Variants in CDC37L1 observed in about 807,000 individuals in gnomAD.
CDC37L1 encodes the protein cell division cycle 37 like 1, HSP90 cochaperone.
In CDC37L1, 32 loss-of-function variants were observed where a neutral mutation model predicts 45.9. That is an observed-to-expected ratio of 0.70 (90% confidence interval 0.53 to 0.94). The LOEUF (loss-of-function observed/expected upper bound fraction) is 0.94. Ranked by LOEUF, CDC37L1 falls within the 40% of genes least tolerant of loss-of-function variation. CDC37L1 has a pLI of 0.00. For missense variants in CDC37L1, 434 were observed against 405.7 expected (o/e 1.07, Z -0.60); for synonymous variants, 150 against 133.0 (o/e 1.13, Z -0.88).
intron 3 of CDC37L1, among the ~76,000 whole-genome samples, chr9:4,696,153 G>A (rs1052753220): frequency 6.6e-6 from 1 of 152,094 alleles, no homozygotes; most frequent in Admixed American, 6.6e-5. Context: ...TTGTTGCTGT[G>A]TATTCTCAGT....
chr9:4,686,323 G>A (rs187778942), intron 2 of CDC37L1, among the ~76,000 whole-genome samples: 1 of 152,234 alleles, frequency 6.6e-6, no homozygotes, highest in East Asian at 1.9e-4. Flanking sequence ...CTTTAACAGT[G>A]AGTCATATCT....
intron 2 of CDC37L1, chr9:4,685,412 C>T: frequency 6.3e-6 from 2 of 319,946 alleles, no homozygotes; most frequent in Non-Finnish European, 1.2e-5. Context: ...ACAAATATTA[C>T]ATATATTAAA....
intron 6 of CDC37L1, chr9:4,703,009 G>T: frequency 7.1e-7 from 1 of 1,402,766 alleles, no homozygotes. Flanking sequence ...ACAAGTTTAA[G>T]TTATTATTAG....
chr9:4,701,837 CTTTGT>C (rs774597586), intron 5 of CDC37L1, 22 bp from the exon 6 acceptor site: 2 of 1,477,790 alleles, frequency 1.4e-6, no homozygotes, highest in Admixed American at 4.2e-5. Context: ...AGAACACAGT[CTTTGT>C]TTTTTTTTTT....
chr9:4,697,474 A>T (rs1563771531), intron 4 of CDC37L1, among the ~76,000 whole-genome samples: 1 of 152,100 alleles, frequency 6.6e-6, no homozygotes. Flanking sequence ...TTTTCATATT[A>T]CTATAATCCT....
At chr9:4,702,622 C>A (rs898005949) in intron 6 of CDC37L1, among the ~76,000 whole-genome samples, 3 of 152,058 alleles carry the variant, frequency 2.0e-5, no homozygotes, top group African/African-American at 4.8e-5. Context: ...TGGCTCGCGC[C>A]TGTAATCCCA....
intron 5 of CDC37L1, among the ~76,000 whole-genome samples, chr9:4,701,444 A>G (rs1383959396): frequency 6.6e-6 from 1 of 152,192 alleles, no homozygotes; most frequent in Non-Finnish European, 1.5e-5. Context: ...CCCCCTCATT[A>G]ATTGTTGGAG....
intron 6 of CDC37L1, among the ~76,000 whole-genome samples, chr9:4,702,433 T>A (rs947194785): frequency 6.6e-6 from 1 of 152,212 alleles, no homozygotes; most frequent in Non-Finnish European, 1.5e-5. Flanking sequence ...ACCAGTGTGA[T>A]CTGTTGCTTA....
At chr9:4,680,304 T>C (rs1171713155) in intron 1 of CDC37L1, among the ~76,000 whole-genome samples, 1 of 152,182 alleles carries the variant, frequency 6.6e-6, no homozygotes, top group East Asian at 1.9e-4. Flanking sequence ...TGTGCACAGT[T>C]GCTAGGAACA....
intron 2 of CDC37L1, among the ~76,000 whole-genome samples, chr9:4,688,307 A>G (rs1283824520): frequency 3.3e-5 from 5 of 152,186 alleles, no homozygotes; most frequent in Admixed American, 6.5e-5. Context: ...CTCATACATC[A>G]TTTTAAACAA....
chr9:4,688,634 T>G, intron 3 of CDC37L1, 28 bp downstream of exon 3: 1 of 1,359,914 alleles, frequency 7.4e-7, no homozygotes, highest in South Asian at 1.4e-5. Flanking sequence ...ATTTCCTTCT[T>G]TGTAATGTTT....
chr9:4,703,224 T>G, intron 6 of CDC37L1: 1 of 984,538 alleles, frequency 1.0e-6, no homozygotes, highest in Non-Finnish European at 1.4e-6. Flanking sequence ...AATTGGGATT[T>G]TCAGTGGCTT....
intron 5 of CDC37L1, among the ~76,000 whole-genome samples, chr9:4,701,430 A>T (rs1422728554): frequency 1.3e-5 from 2 of 152,216 alleles, no homozygotes; most frequent in African/African-American, 4.8e-5. Flanking sequence ...AACAGGTAAT[A>T]GTGCCCCCTC....
intron 6 of CDC37L1, chr9:4,703,128 G>T (rs1467972582): frequency 6.6e-7 from 1 of 1,521,956 alleles, no homozygotes; most frequent in African/African-American, 1.4e-5. Context: ...TTAATCTGTT[G>T]TCTACATTGT....
rs1218031731 is a variant in CDC37L1, at chr9:4,679,849, G to A, written c.82G>A (p.Val28Met). ...GEAEEESDFD[V>M]FPSSPRCPQL... ...GGCTGAGGAAGAGAGTGACTTCGAC[G>A]TGTTCCCCAGTTCTCCCCGCTGCCC... The change falls in exon 1 of 7, where the codon GTG becomes ATG. Residue 28 changes from valine to methionine, a missense_variant. Coordinates refer to ENST00000381854, the MANE Select transcript of CDC37L1 (RefSeq NM_017913.4). 4 of 1,613,836 alleles carry A rather than the reference G, an allele frequency of 2.5e-6. No individual in the cohort carries two copies. The highest frequency in any genetic ancestry group is 1.1e-5 in the South Asian group (1 of 91,092).
chr9:4,679,942 G>C, intron 1 of CDC37L1, 43 bp downstream of exon 1: 1 of 1,608,988 alleles, frequency 6.2e-7, no homozygotes, highest in South Asian at 1.1e-5. Context: ...GAGTGGTGCT[G>C]TCGCCAAACC....
chr9:4,687,665 C>T (rs1281180337), intron 2 of CDC37L1, among the ~76,000 whole-genome samples: 15 of 104,644 alleles, frequency 1.4e-4, no homozygotes, highest in Non-Finnish European at 2.6e-4. Flanking sequence ...GGTGACAGAG[C>T]AAGACCCCAT....
intron 5 of CDC37L1, among the ~76,000 whole-genome samples, chr9:4,700,696 T>C (rs1841388704): frequency 6.6e-6 from 1 of 152,228 alleles, no homozygotes; most frequent in Non-Finnish European, 1.5e-5. Flanking sequence ...GCTTACTTTG[T>C]TCCAGGGACT....
Position 4,679,871 on chromosome 9 carries a change from G to C in CDC37L1, c.104G>C (p.Cys35Ser), listed in dbSNP as rs142699976. Residue 35 changes from cysteine (C) to serine (S), a missense_variant, in exon 1 of 7, where the codon TGC becomes TCC. By Grantham distance (112) the Cys-to-Ser change is moderately radical. Transcript: ENST00000381854. ...DFDVFPSSPR[C>S]PQLPGGGAQM... ...GACGTGTTCCCCAGTTCTCCCCGCT[G>C]CCCGCAGCTGCCAGGCGGCGGCGCC... 1.2e-6 allele frequency: 2 copies of C among 1,613,894 alleles called. No individual in the cohort carries two copies. Among genetic ancestry groups the C allele is most frequent in the Non-Finnish European group, 8.5e-7 (1 of 1,179,948 alleles).
Sources: allele counts gnomAD v4.1 joint callset (sites outside exome capture counted in the v4.1 genomes callset), GRCh38; gene constraint gnomAD v4.1.1; transcripts MANE v1.5; gene names NCBI Gene and HGNC (gene_info 2026-07-23, HGNC 2026-07-21).